SDK1: variants seen among roughly 807,000 people sequenced by gnomAD.
SDK1 encodes the protein protein sidekick-1.
In SDK1, 157 loss-of-function variants were observed where a neutral mutation model predicts 245.5. The ratio of observed to expected loss-of-function variants is 0.64; its 90% confidence interval spans 0.56 to 0.73. SDK1 has a LOEUF of 0.73. Among genes scored for constraint, SDK1 ranks in the 30% least tolerant of loss-of-function variants. The pLI is 0.00. For synonymous variants in SDK1, 1,647 were observed against 1,278.5 expected (o/e 1.29, Z -6.15); for missense variants, 3,583 against 3,002.3 (o/e 1.19, Z -4.52).
chr7:4,156,570 GGT>G (rs1265333241), intron 30 of SDK1, among the ~76,000 whole-genome samples: 1 of 152,226 alleles, frequency 6.6e-6, no homozygotes, highest in Non-Finnish European at 1.5e-5. Context: ...CAGGCCTTGA[GGT>G]GTGAGCTGGT....
intron 1 of SDK1, among the ~76,000 whole-genome samples, chr7:3,528,292 G>C (rs550791316): frequency 6.7e-6 from 1 of 149,548 alleles, no homozygotes; most frequent in East Asian, 2.0e-4. Flanking sequence ...ATCATAGCCA[G>C]CTAGGGGGTG....
intron 5 of SDK1, among the ~76,000 whole-genome samples, chr7:3,940,635 C>T (rs2128121228): frequency 6.6e-6 from 1 of 151,828 alleles, no homozygotes; most frequent in Middle Eastern, 3.4e-3. Context: ...CCAGCCTGGG[C>T]AACACGATGA....
intron 5 of SDK1, among the ~76,000 whole-genome samples, chr7:3,878,731 CTT>C (rs1432419235): frequency 1.3e-5 from 2 of 152,102 alleles, no homozygotes; most frequent in Non-Finnish European, 2.9e-5. Context: ...TCTGTTATCT[CTT>C]TTCTTCTCAC....
Position 4,149,443 on chromosome 7 carries a change from G to T in SDK1, c.4605G>T (p.Ala1535=). 3 of 1,542,988 alleles carry T rather than the reference G, an allele frequency of 1.9e-6. No individual in the cohort carries two copies. Among genetic ancestry groups the T allele is most frequent in the South Asian group, 2.5e-5 (2 of 80,154 alleles). ...ACTCCTCGTCCATCAGCCATGAGGC[G>T]ACAGCATGCGTCGTTGACAGGTACT... ...QTYSSSISHE[A]TACVVDRLRP... is the part of the protein sequence containing the mutation. Residue 1535 remains alanine (A), a synonymous_variant, in exon 30 of 45, where the codon GCG becomes GCT. Coordinates refer to ENST00000404826, the MANE Select transcript of SDK1 (RefSeq NM_152744.4).
intron 32 of SDK1, among the ~76,000 whole-genome samples, chr7:4,165,856 A>G (rs528548739): frequency 1.3e-5 from 2 of 151,914 alleles, no homozygotes; most frequent in African/African-American, 4.8e-5. Flanking sequence ...GCGCAATCAT[A>G]GCTCATTGTA....
chr7:3,434,590 C>G (rs1779965034), intron 1 of SDK1, among the ~76,000 whole-genome samples: 1 of 152,172 alleles, frequency 6.6e-6, no homozygotes. Context: ...GGCTCAGGCT[C>G]AAAGATGTTA....
intron 4 of SDK1, among the ~76,000 whole-genome samples, chr7:3,727,863 C>G (rs557850560): frequency 6.6e-6 from 1 of 152,234 alleles, no homozygotes; most frequent in South Asian, 2.1e-4. Flanking sequence ...TTCAGATTTT[C>G]CTAGTTTTTG....
At chr7:3,555,069 A>G (rs1779545913) in intron 1 of SDK1, among the ~76,000 whole-genome samples, 1 of 152,224 alleles carries the variant, frequency 6.6e-6, no homozygotes, top group African/African-American at 2.4e-5. Context: ...CTTCACAGAA[A>G]TAGAAAAACA....
chr7:3,917,003 A>C (rs1779406861), intron 5 of SDK1, among the ~76,000 whole-genome samples: 1 of 152,216 alleles, frequency 6.6e-6, no homozygotes, highest in African/African-American at 2.4e-5. Flanking sequence ...CTAGGCCCAA[A>C]AGCTCACAGA....
chr7:3,550,736 G>A (rs1034654387), intron 1 of SDK1, among the ~76,000 whole-genome samples: 3 of 152,092 alleles, frequency 2.0e-5, no homozygotes, highest in Non-Finnish European at 4.4e-5. Context: ...TATTAATATG[G>A]ATATTACTAT....
chr7:4,074,327 A>C (rs548496739), intron 20 of SDK1, among the ~76,000 whole-genome samples: 4 of 152,238 alleles, frequency 2.6e-5, no homozygotes, highest in African/African-American at 9.6e-5. Flanking sequence ...AAGCTGATTC[A>C]AGGTACTTTG....
intron 5 of SDK1, among the ~76,000 whole-genome samples, chr7:3,882,175 T>A (rs1039692138): frequency 8.5e-5 from 13 of 152,148 alleles, no homozygotes; most frequent in African/African-American, 3.1e-4. Flanking sequence ...TGGGGGAAAC[T>A]GCTCCATGAT....
chr7:4,264,705 C>T (rs1357655480), intron 44 of SDK1, among the ~76,000 whole-genome samples: 34 of 148,052 alleles, frequency 2.3e-4, no homozygotes, highest in African/African-American at 5.2e-4. Context: ...AGTGGGGAGG[C>T]GGTGTGGACC....
chr7:3,887,998 T>A (rs1781376868), intron 5 of SDK1, among the ~76,000 whole-genome samples: 1 of 152,258 alleles, frequency 6.6e-6, no homozygotes, highest in East Asian at 1.9e-4. Context: ...GTAGTTCTTG[T>A]CACCTTAACA....
chr7:3,962,598 C>A, intron 8 of SDK1, 59 bp from the exon 9 acceptor site: 1 of 1,378,208 alleles, frequency 7.3e-7, no homozygotes, highest in East Asian at 2.4e-5. Context: ...AACAGATGTG[C>A]TTCAGTTCTC....
At chr7:4,111,681 G>C (rs1009078108) in intron 23 of SDK1, among the ~76,000 whole-genome samples, 1 of 152,202 alleles carries the variant, frequency 6.6e-6, no homozygotes, top group African/African-American at 2.4e-5. Context: ...CTTACCATGT[G>C]AAATTAACTG....
chr7:3,905,533 T>C (rs896092275), intron 5 of SDK1, among the ~76,000 whole-genome samples: 6 of 152,232 alleles, frequency 3.9e-5, no homozygotes, highest in African/African-American at 1.2e-4. Flanking sequence ...TTTTTCCTTA[T>C]CTTTGCTGTC....
chr7:3,804,101 C>T (rs966901308), intron 4 of SDK1, among the ~76,000 whole-genome samples: 1 of 152,144 alleles, frequency 6.6e-6, no homozygotes, highest in African/African-American at 2.4e-5. Context: ...CAGAACAAAA[C>T]ATTTTAATGT....
At chr7:3,434,036 A>C (rs772795708) in intron 1 of SDK1, among the ~76,000 whole-genome samples, 1 of 152,234 alleles carries the variant, frequency 6.6e-6, no homozygotes, top group African/African-American at 2.4e-5. Flanking sequence ...GTAGTGTTCC[A>C]TTTGTGCAGT....
Sources: gnomAD v4.1 joint callset for allele counts (sites outside exome capture counted in the v4.1 genomes callset) on GRCh38, gnomAD v4.1.1 for gene constraint, MANE v1.5 for transcripts, NCBI Gene and HGNC (gene_info 2026-07-23, HGNC 2026-07-21) for gene names.